Variants in TRNAU1AP observed in about 807,000 individuals in gnomAD.
TRNAU1AP encodes tRNA selenocysteine 1-associated protein 1.
TRNAU1AP carries 33 observed loss-of-function variants against 43.3 expected under a neutral mutation model. That is an observed-to-expected ratio of 0.76 (90% CI 0.58 to 1.02). The LOEUF is 1.02. TRNAU1AP is among the 50% of genes least tolerant of loss of function. The pLI is 0.00. For missense variants in TRNAU1AP, 290 were observed against 362.7 expected (o/e 0.80, Z 1.63); for synonymous variants, 143 against 129.1 (o/e 1.11, Z -0.73).
At chr1:28,553,599 C>T (rs1665183731) in intron 1 of TRNAU1AP, 41 bp from the exon 2 acceptor site, 1 of 1,597,846 alleles carries the variant, frequency 6.3e-7, no homozygotes, top group Non-Finnish European at 8.6e-7. Context: ...GTGGGAAGCC[C>T]GGCCGCCGGC....
intron 2 of TRNAU1AP, among the ~76,000 whole-genome samples, chr1:28,555,620 C>A (rs922655241): frequency 6.6e-6 from 1 of 151,342 alleles, no homozygotes; most frequent in Non-Finnish European, 1.5e-5. Context: ...AGCAGCCACT[C>A]TTTTCTCGGT....
chr1:28,556,942 G>A (rs927756443), intron 2 of TRNAU1AP, among the ~76,000 whole-genome samples: 2 of 151,472 alleles, frequency 1.3e-5, no homozygotes, highest in African/African-American at 4.8e-5. Context: ...CTCCCAAAGT[G>A]CTGGGATTAC....
In TRNAU1AP at chr1:28,571,939, C is replaced by A. The variant is rs542749382; in HGVS notation, c.727+39C>A. ...CGTTCCTTACTCTGTCAGCCATTAT[C>A]AGGTGACTGCTGTGGCTGGCACTGT... On this transcript the variant is annotated intron_variant, in intron 8 of 8. Transcript: ENST00000373830. 3.8e-6 allele frequency: 6 copies of A among 1,569,032 alleles called. No homozygotes were observed. In the South Asian group the frequency reaches 5.5e-5, roughly 14 times the overall value.
chr1:28,561,899 C>T lies in TRNAU1AP; in HGVS notation c.278+501C>T, dbSNP rs375745981. On this transcript the variant is annotated intron_variant, in intron 4 of 8. Coordinates refer to ENST00000373830, the MANE Select transcript of TRNAU1AP (RefSeq NM_017846.5). Reference sequence around the variant, plus strand: ...CATCCTGGCTAACACGGTGAAACCCCGTCTCTACTAAAAATACAACAAATT... The same window carrying T: ...CATCCTGGCTAACACGGTGAAACCCTGTCTCTACTAAAAATACAACAAATT... Among the ~76,000 whole-genome samples, 93 of 152,234 alleles carry T rather than the reference C, an allele frequency of 6.1e-4. 4 individuals carry two copies. The South Asian group carries it at 1.0e-2, about 16-fold the overall frequency.
intron 6 of TRNAU1AP, among the ~76,000 whole-genome samples, chr1:28,570,556 TTTTG>T (rs1222514031): frequency 6.7e-6 from 1 of 149,724 alleles, no homozygotes; most frequent in Non-Finnish European, 1.5e-5. Flanking sequence ...CCCTTTTTTG[TTTTG>T]TTTTTTTTTT....
At chr1:28,567,203 G>T in intron 5 of TRNAU1AP, 91 bp from the exon 6 acceptor site, 2 of 1,407,674 alleles carry the variant, frequency 1.4e-6, no homozygotes, top group Admixed American at 2.0e-5. Context: ...CTACATTCCT[G>T]CCCACCTTCT....
chr1:28,556,143 C>T (rs1019226965), intron 2 of TRNAU1AP, among the ~76,000 whole-genome samples: 21 of 151,950 alleles, frequency 1.4e-4, no homozygotes, highest in African/African-American at 4.1e-4. Flanking sequence ...TGAGCCACCG[C>T]GCCCGGCCCC....
intron 4 of TRNAU1AP, 83 bp from the exon 5 acceptor site, chr1:28,564,620 G>A: frequency 6.6e-7 from 1 of 1,521,766 alleles, no homozygotes; most frequent in South Asian, 1.3e-5. Context: ...GCCTGGGAGA[G>A]GTTTACCTGG....
At chr1:28,577,368 C>CTT in intron 8 of TRNAU1AP, 132 bp from the exon 9 acceptor site, 1 of 963,326 alleles carries the variant, frequency 1.0e-6, no homozygotes, top group South Asian at 1.6e-5. Flanking sequence ...CAAGGCAGTG[C>CTT]TTTCACTTCC....
At chr1:28,561,512 G>A (rs146709883) in intron 4 of TRNAU1AP, 114 bp downstream of exon 4, 51 of 1,161,376 alleles carry the variant, frequency 4.4e-5, no homozygotes, top group Middle Eastern at 2.0e-4. Flanking sequence ...GAAGGACGAC[G>A]CTCTTCTCCC....
At position 28,567,321 on chromosome 1, in the gene TRNAU1AP, TGAACTG is replaced by T; in HGVS notation, c.443_448del (p.Leu148_Glu149del). On this transcript the variant is annotated inframe_deletion, in exon 6 of 9. Transcript: ENST00000373830. ...GTTATGGTTTTGTGAAATTCACAGA[TGAACTG>T]GAACAGAAGCGAGCCCTGACGGAGT... 3 of 1,613,856 alleles carry T rather than the reference TGAACTG, an allele frequency of 1.9e-6. No homozygotes were observed. The highest frequency in any genetic ancestry group is 1.6e-4 in the Middle Eastern group (1 of 6,062).
At chr1:28,571,986 A>T (rs1665671952) in intron 8 of TRNAU1AP, 86 bp downstream of exon 8, 5 of 1,201,936 alleles carry the variant, frequency 4.2e-6, no homozygotes, top group Admixed American at 3.4e-5. Flanking sequence ...GAGGGAAGAC[A>T]AGATAAATTC....
chr1:28,567,335 A>C lies in TRNAU1AP; in HGVS notation c.452A>C (p.Lys151Thr). 1 of 1,613,926 alleles carries C rather than the reference A, an allele frequency of 6.2e-7. No individual in the cohort carries two copies. Among genetic ancestry groups the C allele is most frequent in the Non-Finnish European group, 8.5e-7 (1 of 1,179,956 alleles). The change falls in exon 6 of 9, where the codon AAG becomes ACG. Residue 151 changes from lysine (K) to threonine (T), a missense_variant. Physicochemically the swap from Lys to Thr is moderately conservative, Grantham distance 78. Coordinates refer to ENST00000373830, the MANE Select transcript of TRNAU1AP (RefSeq NM_017846.5). ...FVKFTDELEQKRALTECQGAV... is the reference protein window; with the variant it reads ...FVKFTDELEQTRALTECQGAV... The stretch of plus-strand genomic sequence containing the variant: ...AAATTCACAGATGAACTGGAACAGA[A>C]GCGAGCCCTGACGGAGTGCCAGGGA...
At chr1:28,577,368 C>A in intron 8 of TRNAU1AP, 132 bp from the exon 9 acceptor site, 1 of 963,322 alleles carries the variant, frequency 1.0e-6, no homozygotes, top group Non-Finnish European at 1.6e-6. Context: ...CAAGGCAGTG[C>A]TTTCACTTCC....
chr1:28,558,709 T>G (rs1192338061), intron 2 of TRNAU1AP, among the ~76,000 whole-genome samples: 1 of 151,092 alleles, frequency 6.6e-6, no homozygotes, highest in African/African-American at 2.4e-5. Flanking sequence ...GGACTATAGG[T>G]GCCCGCCACC....
At chr1:28,561,476 G>A (rs1033165685) in intron 4 of TRNAU1AP, 78 bp downstream of exon 4, 46 of 1,549,316 alleles carry the variant, frequency 3.0e-5, no homozygotes, top group Non-Finnish European at 3.8e-5. Context: ...GAGGGGAGCC[G>A]GTTTGGCTGC....
At chr1:28,553,906 G>A (rs770484627) in intron 2 of TRNAU1AP, 169 bp downstream of exon 2, 1 of 640,474 alleles carries the variant, frequency 1.6e-6, no homozygotes, top group Non-Finnish European at 2.7e-6. Flanking sequence ...TGTAGCTTAA[G>A]GGTAGGACTT....
At chr1:28,555,948 G>T (rs1360000037) in intron 2 of TRNAU1AP, among the ~76,000 whole-genome samples, 3 of 151,698 alleles carry the variant, frequency 2.0e-5, no homozygotes, top group Non-Finnish European at 4.4e-5. Flanking sequence ...CCACCTCCTG[G>T]GTTCAAGCCA....
chr1:28,563,432 C>T (rs549540375), intron 4 of TRNAU1AP, among the ~76,000 whole-genome samples: 75 of 152,046 alleles, frequency 4.9e-4, no homozygotes, highest in African/African-American at 1.7e-3. Context: ...CCTGTAATCC[C>T]GGCACTTTGG....
Sources: allele counts gnomAD v4.1 joint callset (sites outside exome capture counted in the v4.1 genomes callset), GRCh38; gene constraint gnomAD v4.1.1; transcripts MANE v1.5; gene names NCBI Gene and HGNC (gene_info 2026-07-23, HGNC 2026-07-21).